SORCS2: variants seen among roughly 807,000 people sequenced by gnomAD.
SORCS2 encodes the protein VPS10 domain-containing receptor SorCS2.
Under a neutral mutation model 141.6 loss-of-function variants are expected in SORCS2, and 100 were observed. The observed-to-expected ratio is 0.71, with a 90% CI of 0.60 to 0.83. The LOEUF is 0.83. Among genes scored for constraint, SORCS2 ranks in the 40% least tolerant of loss-of-function variants. The pLI, the probability that SORCS2 is intolerant of heterozygous loss-of-function variation, is 0.00. For missense variants in SORCS2, 1,646 were observed against 1,560.2 expected, an observed-to-expected ratio of 1.05 and a Z score of -0.93; for synonymous variants, 789 against 676.9, an observed-to-expected ratio of 1.17 and a Z score of -2.57.
At chr4:7,540,321 T>TG (rs1298782402) in intron 3 of SORCS2, among the ~76,000 whole-genome samples, 67 of 152,022 alleles carry the variant, frequency 4.4e-4, no homozygotes, top group Non-Finnish European at 5.9e-5. Context: ...TGCATGATGG[T>TG]GCTCAGAGGC....
intron 1 of SORCS2, among the ~76,000 whole-genome samples, chr4:7,267,887 A>G (rs1039100351): frequency 2.6e-5 from 4 of 152,258 alleles, no homozygotes; most frequent in Non-Finnish European, 4.4e-5. Context: ...TCAACCCGTC[A>G]GTGAGTGATG....
intron 3 of SORCS2, among the ~76,000 whole-genome samples, chr4:7,581,683 T>C (rs1057337634): frequency 5.9e-5 from 9 of 152,206 alleles, no homozygotes; most frequent in African/African-American, 2.2e-4. Context: ...TCCGTGGTGC[T>C]GACCTAGCTA....
At position 7,389,723 on chromosome 4, in the gene SORCS2, TGAGAAAGGGGAGA is replaced by T. The variant is rs553436208; in HGVS notation, c.481-6563_481-6551del. Among the ~76,000 whole-genome samples, 10 of 151,390 alleles carry T rather than the reference TGAGAAAGGGGAGA, an allele frequency of 6.6e-5. No homozygotes were observed. In the South Asian group the frequency reaches 1.9e-3, roughly 28 times the overall value. ...GAGCAGGAGGGAGGCAGTGGAGAAG[TGAGAAAGGGGAGA>T]GCATAGCGATCCAAGTATGCAAATG... On this transcript the variant is annotated intron_variant, in intron 1 of 26. Coordinates refer to ENST00000507866, the MANE Select transcript of SORCS2 (RefSeq NM_020777.3).
intron 3 of SORCS2, among the ~76,000 whole-genome samples, chr4:7,546,076 C>A (rs1297735909): frequency 6.6e-6 from 1 of 151,980 alleles, no homozygotes; most frequent in African/African-American, 2.4e-5. Context: ...GACCTAATTC[C>A]TCCCAAAGGT....
chr4:7,411,744 T>C (rs1167617472), intron 2 of SORCS2, among the ~76,000 whole-genome samples: 2 of 152,134 alleles, frequency 1.3e-5, no homozygotes, highest in African/African-American at 4.8e-5. Context: ...TCCATGACAG[T>C]GGCATGTAAT....
chr4:7,213,291 C>T (rs1045879852), intron 1 of SORCS2, among the ~76,000 whole-genome samples: 8 of 152,122 alleles, frequency 5.3e-5, no homozygotes, highest in South Asian at 2.1e-4. Context: ...ACTACAGTGA[C>T]GGGTTATGGG....
At chr4:7,517,252 C>T (rs1655351656) in intron 2 of SORCS2, among the ~76,000 whole-genome samples, 1 of 152,182 alleles carries the variant, frequency 6.6e-6, no homozygotes, top group African/African-American at 2.4e-5. Flanking sequence ...ATAACATCTT[C>T]CCACTCAAAA....
intron 2 of SORCS2, among the ~76,000 whole-genome samples, chr4:7,490,920 C>T (rs982011584): frequency 3.9e-5 from 6 of 152,174 alleles, no homozygotes; most frequent in South Asian, 2.1e-4. Flanking sequence ...CTCCTAGGGA[C>T]GTACCTGGCA....
chr4:7,736,936 G>A (rs1372308495), intron 25 of SORCS2, 133 bp from the exon 26 acceptor site: 2 of 1,173,652 alleles, frequency 1.7e-6, no homozygotes, highest in South Asian at 1.6e-5. Context: ...CTTGGGGCTG[G>A]GGTAGGCACC....
intron 8 of SORCS2, 39 bp from the exon 9 acceptor site, chr4:7,676,011 G>C: frequency 6.4e-7 from 1 of 1,551,008 alleles, no homozygotes; most frequent in Non-Finnish European, 8.7e-7. Flanking sequence ...GCAGCCCCCA[G>C]CCTGGCTCTG....
At chr4:7,529,535 G>A (rs1733899588) in intron 2 of SORCS2, among the ~76,000 whole-genome samples, 2 of 152,174 alleles carry the variant, frequency 1.3e-5, no homozygotes, top group South Asian at 4.1e-4. Context: ...CTGAGGCCAG[G>A]CTGGATGCTG....
chr4:7,221,711 C>T (rs1182022509), intron 1 of SORCS2, among the ~76,000 whole-genome samples: 2 of 152,256 alleles, frequency 1.3e-5, no homozygotes, highest in Non-Finnish European at 2.9e-5. Context: ...AGCCAACACT[C>T]ATCTTCCAGA....
intron 17 of SORCS2, among the ~76,000 whole-genome samples, chr4:7,716,822 C>G (rs140819467): frequency 1.2e-3 from 180 of 152,376 alleles, no homozygotes; most frequent in African/African-American, 4.3e-3. Flanking sequence ...GAGCCAGGAT[C>G]TTGATCAAGA....
chr4:7,253,713 G>A (rs1321122294), intron 1 of SORCS2, among the ~76,000 whole-genome samples: 1 of 152,230 alleles, frequency 6.6e-6, no homozygotes, highest in Admixed American at 6.5e-5. Context: ...CAGCTCCTGA[G>A]GGGCCAGGGA....
intron 1 of SORCS2, among the ~76,000 whole-genome samples, chr4:7,347,101 C>A (rs1720691068): frequency 1.3e-5 from 2 of 152,308 alleles, no homozygotes; most frequent in African/African-American, 4.8e-5. Context: ...ACCCAGCCCA[C>A]TTAGGTATCA....
intron 8 of SORCS2, among the ~76,000 whole-genome samples, chr4:7,668,570 T>C (rs138022820): frequency 6.6e-6 from 1 of 152,266 alleles, no homozygotes; most frequent in East Asian, 1.9e-4. Flanking sequence ...CTGGGCACCC[T>C]CAGACCTCTC....
rs116822016 is a variant in SORCS2 at position 7,347,279 on chromosome 4, C to T, written c.481-49009C>T. ...CTTTGGATTGGATCTGGCATTGGCT[C>T]ATATGTTGTTATTGTCCACCTGTTT... On this transcript the variant is annotated intron_variant, in intron 1 of 26. Transcript: ENST00000507866. Among the ~76,000 whole-genome samples, 267 of 152,322 alleles carry T rather than the reference C, an allele frequency of 1.8e-3. 2 individuals are homozygous for T. The highest frequency in any genetic ancestry group is 6.0e-3 in the African/African-American group (251 of 41,560).
chr4:7,640,132 TGA>T (rs1720590220), intron 4 of SORCS2, among the ~76,000 whole-genome samples: 1 of 151,572 alleles, frequency 6.6e-6, no homozygotes, highest in Non-Finnish European at 1.5e-5. Flanking sequence ...TTAGCGAGTG[TGA>T]GTGTACATGA....
At chr4:7,615,074 G>C (rs370900183) in intron 3 of SORCS2, among the ~76,000 whole-genome samples, 2 of 151,640 alleles carry the variant, frequency 1.3e-5, no homozygotes, top group African/African-American at 2.4e-5. Context: ...CCATCTCTCT[G>C]TCTACCCATC....
Sources: gnomAD v4.1 joint callset for allele counts (sites outside exome capture counted in the v4.1 genomes callset) on GRCh38, gnomAD v4.1.1 for gene constraint, MANE v1.5 for transcripts, NCBI Gene and HGNC (gene_info 2026-07-23, HGNC 2026-07-21) for gene names.